Variants in GRHL1 observed in about 807,000 individuals in gnomAD.
The protein encoded by GRHL1 is grainyhead-like protein 1 homolog.
In GRHL1, 38 loss-of-function variants were observed where a neutral mutation model predicts 75.7. The observed-to-expected ratio is 0.50, with a 90% confidence interval of 0.39 to 0.66. The LOEUF is 0.66. GRHL1 is among the 30% of genes least tolerant of loss of function. GRHL1 has a pLI of 0.00. For synonymous variants in GRHL1, 266 were observed against 279.4 expected (o/e 0.95, Z 0.48); for missense variants, 589 against 767.5 (o/e 0.77, Z 2.75).
rs1405347746 is a variant in GRHL1, at chr2:9,996,387, G to A, written c.1663G>A (p.Gly555Ser). The A allele has an allele frequency of 6.2e-7, 1 of 1,606,532 alleles. No homozygotes were observed. The highest frequency in any genetic ancestry group is 1.7e-5 in the Admixed American group (1 of 60,022). Reference protein sequence around the residue: ...ALMLKTPSLKGLMEAISDKYD... With the variant: ...ALMLKTPSLKSLMEAISDKYD... ...GATGCTCAAAACCCCATCTTTGAAG[G>A]GCTTGATGGAAGCTGTAAGTAGGAT... is the stretch of plus-strand genomic sequence containing the variant. The change falls in exon 14 of 16, where the codon GGC (glycine) becomes AGC (serine). Residue 555 changes from glycine (G) to serine (S), a missense_variant. By Grantham distance (56) the Gly-to-Ser change is moderately conservative. Coordinates refer to ENST00000324907, the MANE Select transcript of GRHL1 (RefSeq NM_198182.3).
intron 1 of GRHL1, chr2:9,953,084 A>G (rs1248691510): frequency 2.2e-6 from 1 of 456,636 alleles, no homozygotes; most frequent in Non-Finnish European, 4.4e-6. Flanking sequence ...TTCTTGACGT[A>G]TAGTTTAGAT....
In GRHL1 at chr2:9,990,271, C is replaced by T. The variant is rs1285738820; in HGVS notation, c.1270-425C>T. Among the ~76,000 whole-genome samples the T allele has an allele frequency of 6.6e-6, 1 of 152,108 alleles. No homozygotes were observed. The highest frequency in any genetic ancestry group is 1.5e-5 in the Non-Finnish European group (1 of 68,014). ...GTTCAAGCAGTTCTCCTGCCTCAGC[C>T]TCCCAAGTAGCTGGGACTACAGGTG... On this transcript the variant is annotated intron_variant, in intron 9 of 15. Coordinates refer to ENST00000324907, the MANE Select transcript of GRHL1 (RefSeq NM_198182.3). This position sits in a 1 kb window ranked among gnomAD's most constrained non-coding sequence, Gnocchi z 4.2.
chr2:9,983,817 C>G (rs541295263), intron 8 of GRHL1, among the ~76,000 whole-genome samples: 35 of 149,930 alleles, frequency 2.3e-4, no homozygotes, highest in Middle Eastern at 6.8e-3. Flanking sequence ...ACAGACTCTC[C>G]TTACCTCTGA....
chr2:9,960,863 T>G, intron 3 of GRHL1, 183 bp from the exon 4 acceptor site: 1 of 545,810 alleles, frequency 1.8e-6, no homozygotes, highest in Non-Finnish European at 3.2e-6. Flanking sequence ...GGTTTGGATT[T>G]TATTTGACCG....
chr2:9,973,893 G>A (rs1337447091), intron 8 of GRHL1, among the ~76,000 whole-genome samples: 2 of 152,208 alleles, frequency 1.3e-5, no homozygotes, highest in Admixed American at 1.3e-4. Context: ...CACATCACCA[G>A]CTGGACTCAT....
chr2:9,984,221 A>C (rs1165123330), intron 8 of GRHL1, among the ~76,000 whole-genome samples: 1 of 151,726 alleles, frequency 6.6e-6, no homozygotes, highest in Non-Finnish European at 1.5e-5. Flanking sequence ...ATTTTTCCCC[A>C]TCTGCCCTAG....
chr2:9,997,366 G>A (rs563758889), intron 14 of GRHL1, among the ~76,000 whole-genome samples: 1 of 152,256 alleles, frequency 6.6e-6, no homozygotes, highest in South Asian at 2.1e-4. Context: ...GCTGCTGTGC[G>A]GTCTCTCAGC....
rs1344317761 is a variant in GRHL1 at position 9,988,973 on chromosome 2, A to T, written c.1270-1723A>T. 6.6e-5 allele frequency among the ~76,000 whole-genome samples: 10 copies of T among 152,158 alleles called. No individual in the cohort carries two copies. The East Asian group carries it at 1.9e-3, about 29-fold the overall frequency. On this transcript the variant is annotated intron_variant, in intron 9 of 15. Transcript: ENST00000324907. ...CTTTTGGAGGAGGGTGGTGTTTATC[A>T]TCAGAATGAAGTTATGGTTAGACTT...
At position 9,968,282 on chromosome 2, in the gene GRHL1, C is replaced by T. The variant is rs1439622030; in HGVS notation, c.1110+2901C>T. Among the ~76,000 whole-genome samples the T allele has an allele frequency of 4.6e-5, 7 of 152,190 alleles. No individual in the cohort carries two copies. Among genetic ancestry groups the T allele is most frequent in the African/African-American group, 1.7e-4 (7 of 41,436 alleles). ...TGTCTGCCATTGTCATGGAAACTTTCGGAAGTTTTGGAACTTGTGAAAATT... is the reference window on the plus strand; with the variant it reads ...TGTCTGCCATTGTCATGGAAACTTTTGGAAGTTTTGGAACTTGTGAAAATT... On this transcript the variant is annotated intron_variant, in intron 8 of 15. Transcript: ENST00000324907. This position sits in a 1 kb window ranked among gnomAD's most constrained non-coding sequence, Gnocchi z 4.7.
At chr2:9,989,628 A>C (rs1011261261) in intron 9 of GRHL1, among the ~76,000 whole-genome samples, 4 of 152,082 alleles carry the variant, frequency 2.6e-5, no homozygotes, top group Admixed American at 2.6e-4. Flanking sequence ...AGCTCACCGC[A>C]ATCTCTACCT....
At chr2:9,998,082 G>T (rs1014155279) in intron 14 of GRHL1, among the ~76,000 whole-genome samples, 3 of 152,150 alleles carry the variant, frequency 2.0e-5, no homozygotes, top group Non-Finnish European at 2.9e-5. Flanking sequence ...GGATCTGCAC[G>T]TTTGCCACCT....
chr2:9,958,210 C>G (rs1459527279), intron 2 of GRHL1, among the ~76,000 whole-genome samples: 1 of 141,550 alleles, frequency 7.1e-6, no homozygotes, highest in Non-Finnish European at 1.5e-5. Flanking sequence ...AAGGGTCTTG[C>G]TCTATCGCCC....
rs1364650766 is a variant in GRHL1 at position 9,961,232 on chromosome 2, C to A, written c.465C>A (p.His155Gln). The A allele has an allele frequency of 2.5e-6, 4 of 1,614,134 alleles. No individual in the cohort carries two copies. In the Admixed American group the frequency reaches 6.7e-5, roughly 27 times the overall value. The stretch of plus-strand genomic sequence containing the variant: ...TCTCCATAGCAACGATGCCTACCCA[C>A]TCCATCAAGACAGAAACCCAGCCAC... ...VTVSIATMPTHSIKTETQPHG... is the reference protein window; with the variant it reads ...VTVSIATMPTQSIKTETQPHG... The change falls in exon 4 of 16, where the codon CAC becomes CAA. Residue 155 changes from histidine (H) to glutamine (Q), a missense_variant. His to Gln is a conservative substitution (Grantham distance 24, BLOSUM62 0). Around this residue, in one of 5 missense-constraint regions of GRHL1, gnomAD observed 362 missense variants for 461.8 expected, o/e 0.78. Coordinates refer to ENST00000324907, the MANE Select transcript of GRHL1 (RefSeq NM_198182.3).
In GRHL1 at chr2:9,993,238, G is replaced by T. The variant is rs751426487; in HGVS notation, c.1493G>T (p.Gly498Val). ...CCCATTGCCTCTGAAGAATTGGAGG[G>T]TGAAGGGTAAGATTTATGTTTTGTT... ...VLPIASEELE[G>V]EGSVLKRGPY... The change falls in exon 12 of 16, where the codon GGT becomes GTT. Residue 498 changes from glycine (G) to valine (V), a missense_variant. By Grantham distance (109) the Gly-to-Val change is moderately radical. This residue lies in a region of GRHL1 where 192 missense variants were observed against 226.6 expected (regional missense o/e 0.85). Transcript: ENST00000324907. 8 of 1,610,016 alleles carry T rather than the reference G, an allele frequency of 5.0e-6. No homozygotes were observed. The African/African-American group carries it at 9.4e-5, about 19-fold the overall frequency.
chr2:9,980,196 T>A (rs1668139229), intron 8 of GRHL1, among the ~76,000 whole-genome samples: 2 of 151,882 alleles, frequency 1.3e-5, no homozygotes, highest in African/African-American at 4.8e-5. Context: ...CCTTGTTTTC[T>A]CTTTGAGGAC....
chr2:9,992,286 G>A lies in GRHL1; in HGVS notation c.1461+140G>A. 1 of 699,166 alleles carries A rather than the reference G, an allele frequency of 1.4e-6. No homozygotes were observed. The allele number at this position is 699,166 out of a possible 1,614,324, so 43.3% of individuals were successfully genotyped here. A position where few individuals can be genotyped will look rare whatever the true frequency, so the allele number is the denominator to read the frequency against. On this transcript the variant is annotated intron_variant, in intron 11 of 15. Coordinates refer to ENST00000324907, the MANE Select transcript of GRHL1 (RefSeq NM_198182.3). This position sits in a 1 kb window ranked among gnomAD's most constrained non-coding sequence, Gnocchi z 4.6. ...AGTCAGCTCTTTGGAATATTCTGCTGGGGTGACATGATGCCCGTGCAATAA... is the reference window on the plus strand; with the variant it reads ...AGTCAGCTCTTTGGAATATTCTGCTAGGGTGACATGATGCCCGTGCAATAA...
intron 8 of GRHL1, among the ~76,000 whole-genome samples, chr2:9,977,996 G>T (rs1435257853): frequency 6.6e-6 from 1 of 152,220 alleles, no homozygotes; most frequent in Non-Finnish European, 1.5e-5. Context: ...GAGAGAGAAT[G>T]AGAGCCAAGC....
In GRHL1 at chr2:9,951,913, C is replaced by G. The variant is rs1470849133; in HGVS notation, c.20+60C>G. 3.3e-6 allele frequency: 4 copies of G among 1,204,216 alleles called. No individual in the cohort carries two copies. In the African/African-American group the frequency reaches 4.9e-5, roughly 15 times the overall value. The allele number at this position is 1,204,216 out of a possible 1,614,324, so 74.6% of individuals were successfully genotyped here. A position where few individuals can be genotyped will look rare whatever the true frequency, so the allele number is the denominator to read the frequency against. ...GGGCCGCGCTGAGGGGCCGCACCTG[C>G]AGCGAGCGAGCCGGGCGCAGACCCG... On this transcript the variant is annotated intron_variant, in intron 1 of 15. Coordinates refer to ENST00000324907, the MANE Select transcript of GRHL1 (RefSeq NM_198182.3). The surrounding 1 kb of genome is among the most constrained non-coding windows in gnomAD (Gnocchi z 4.2).
intron 8 of GRHL1, among the ~76,000 whole-genome samples, chr2:9,979,488 A>C (rs59715119): frequency 0.52 from 78,915 of 152,010 alleles, 21,308 homozygotes; most frequent in African/African-American, 0.67. Context: ...ATCCTCCCAC[A>C]TACAGGTGTG....
Sources: allele counts gnomAD v4.1 joint callset (sites outside exome capture counted in the v4.1 genomes callset), GRCh38; gene constraint gnomAD v4.1.1; regional missense constraint gnomAD v4.1.1; non-coding constraint Gnocchi (gnomAD v3.1); transcripts MANE v1.5; gene names NCBI Gene and HGNC (gene_info 2026-07-23, HGNC 2026-07-21).